The following ARID5B variants were observed in gnomAD, a reference collection of about 807,000 sequenced individuals.
The protein encoded by ARID5B is AT-rich interaction domain 5B.
In ARID5B, 13 loss-of-function variants were observed where a neutral mutation model predicts 97.2. The ratio of observed to expected loss-of-function variants is 0.13; its 90% confidence interval spans 0.09 to 0.21. The LOEUF (loss-of-function observed/expected upper bound fraction) is 0.21, where lower values mean the gene tolerates loss of function less well. Ranked by LOEUF, ARID5B falls within the 10% of genes least tolerant of loss-of-function variation. The pLI, the probability that ARID5B is intolerant of heterozygous loss-of-function variation, is 1.00. For synonymous variants in ARID5B, 556 were observed against 570.3 expected (o/e 0.97, Z 0.36); for missense variants, 1,210 against 1,465.3 (o/e 0.83, Z 2.84).
chr10:61,955,222 T>G (rs1190740918), intron 3 of ARID5B, among the ~76,000 whole-genome samples: 1 of 152,186 alleles, frequency 6.6e-6, no homozygotes, highest in Non-Finnish European at 1.5e-5. Flanking sequence ...AGTTTTCCCC[T>G]CTACAGTGGC....
chr10:61,975,541 T>A (rs539540518), intron 3 of ARID5B, among the ~76,000 whole-genome samples: 1 of 151,738 alleles, frequency 6.6e-6, no homozygotes, highest in South Asian at 2.1e-4. Context: ...TCACTGAGTC[T>A]CCGATCCTCT....
At chr10:61,996,622 C>T (rs990654371) in intron 3 of ARID5B, among the ~76,000 whole-genome samples, 3 of 152,030 alleles carry the variant, frequency 2.0e-5, no homozygotes, top group Middle Eastern at 3.2e-3. Flanking sequence ...ACAAAAGAGA[C>T]GTGAAAACAC....
At chr10:61,924,906 C>A in intron 2 of ARID5B, among the ~76,000 whole-genome samples, 1 of 151,836 alleles carries the variant, frequency 6.6e-6, no homozygotes, top group East Asian at 1.9e-4. Flanking sequence ...CATGTGCCTG[C>A]AAAAGTGGAT....
chr10:62,049,517 T>C, intron 4 of ARID5B: 1 of 1,550,380 alleles, frequency 6.5e-7, no homozygotes, highest in Non-Finnish European at 8.7e-7. Context: ...TGATTTTTGT[T>C]TGTGAGCTTG....
chr10:62,052,823 G>C (rs1163695490), intron 5 of ARID5B, among the ~76,000 whole-genome samples: 1 of 103,180 alleles, frequency 9.7e-6, no homozygotes, highest in Non-Finnish European at 1.9e-5. Flanking sequence ...CAAAGAGATG[G>C]ATCATTCTTC....
intron 2 of ARID5B, among the ~76,000 whole-genome samples, chr10:61,925,887 G>A (rs182601814): frequency 9.2e-5 from 14 of 152,264 alleles, no homozygotes; most frequent in East Asian, 1.9e-4. Flanking sequence ...TTAACAAAGC[G>A]TGCCTCAGAG....
intron 3 of ARID5B, among the ~76,000 whole-genome samples, chr10:61,979,431 G>A (rs1011137193): frequency 6.6e-6 from 1 of 151,992 alleles, no homozygotes; most frequent in Non-Finnish European, 1.5e-5. Flanking sequence ...TCACAGAGTC[G>A]ATGGGAGAAC....
intron 9 of ARID5B, 152 bp downstream of exon 9, chr10:62,086,052 T>A: frequency 1.2e-6 from 1 of 812,262 alleles, no homozygotes; most frequent in Non-Finnish European, 1.9e-6. Flanking sequence ...CCCACATAGT[T>A]CCCCAGTTCC....
At chr10:61,966,934 A>G (rs1362686397) in intron 3 of ARID5B, among the ~76,000 whole-genome samples, 9 of 152,092 alleles carry the variant, frequency 5.9e-5, no homozygotes, top group Non-Finnish European at 1.3e-4. Context: ...CTATATTTCC[A>G]TGAATTCTGC....
chr10:62,087,999 G>A (rs559776640), intron 9 of ARID5B, among the ~76,000 whole-genome samples: 1 of 151,886 alleles, frequency 6.6e-6, no homozygotes, highest in Non-Finnish European at 1.5e-5. Context: ...CGAGTAGCTA[G>A]GACTACAGGC....
intron 7 of ARID5B, among the ~76,000 whole-genome samples, 179 bp from the exon 8 acceptor site, chr10:62,069,521 A>G (rs933900989): frequency 3.3e-5 from 5 of 152,064 alleles, no homozygotes; most frequent in African/African-American, 7.2e-5. Flanking sequence ...TGTAAAGAAG[A>G]GTGCTGAAAG....
At chr10:61,981,120 A>G (rs1838771207) in intron 3 of ARID5B, among the ~76,000 whole-genome samples, 1 of 152,208 alleles carries the variant, frequency 6.6e-6, no homozygotes. Flanking sequence ...TCATCTATAA[A>G]ATGGAAGCAG....
chr10:62,015,290 A>G (rs958327499), intron 4 of ARID5B, among the ~76,000 whole-genome samples: 5 of 152,092 alleles, frequency 3.3e-5, no homozygotes, highest in African/African-American at 4.8e-5. Flanking sequence ...TTAGGTAGGG[A>G]TTGTTACCTT....
chr10:62,002,677 G>A (rs1839095026), intron 4 of ARID5B, among the ~76,000 whole-genome samples: 1 of 152,116 alleles, frequency 6.6e-6, no homozygotes, highest in Admixed American at 6.5e-5. Context: ...TTAAAATGTG[G>A]CATTGAGTTT....
intron 8 of ARID5B, among the ~76,000 whole-genome samples, chr10:62,070,308 C>G (rs1220693581): frequency 1.3e-5 from 2 of 152,168 alleles, no homozygotes; most frequent in East Asian, 3.8e-4. Context: ...GGTTTTCTAA[C>G]AATTTCAGCC....
At chr10:61,911,077 C>T (rs891029127) in intron 2 of ARID5B, among the ~76,000 whole-genome samples, 1 of 152,218 alleles carries the variant, frequency 6.6e-6, no homozygotes, top group Non-Finnish European at 1.5e-5. Flanking sequence ...ACCCCTTCCA[C>T]CCCATAGTTG....
chr10:61,907,942 C>T (rs1205799361), intron 2 of ARID5B, among the ~76,000 whole-genome samples: 1 of 152,176 alleles, frequency 6.6e-6, no homozygotes, highest in Non-Finnish European at 1.5e-5. Flanking sequence ...GGTTGATCTG[C>T]AATAAGGTAG....
chr10:62,013,743 A>C (rs1221802203), intron 4 of ARID5B, among the ~76,000 whole-genome samples: 1 of 150,724 alleles, frequency 6.6e-6, no homozygotes, highest in African/African-American at 2.4e-5. Flanking sequence ...ATGTTGTTGC[A>C]AATGGTGGCA....
intron 5 of ARID5B, among the ~76,000 whole-genome samples, chr10:62,054,124 A>G (rs1839825557): frequency 1.3e-5 from 2 of 152,150 alleles, no homozygotes; most frequent in Non-Finnish European, 2.9e-5. Context: ...CATTTTGGAA[A>G]CCCCAAAGTA....
Sources: allele counts gnomAD v4.1 joint callset (sites outside exome capture counted in the v4.1 genomes callset), GRCh38; gene constraint gnomAD v4.1.1; transcripts MANE v1.5; gene names NCBI Gene and HGNC (gene_info 2026-07-23, HGNC 2026-07-21).